The following GOPC variants were observed in gnomAD, a reference collection of about 807,000 sequenced individuals.
GOPC encodes the protein golgi associated PDZ and coiled-coil motif containing.
In GOPC, 32 loss-of-function variants were observed where a neutral mutation model predicts 51.2. That is an observed-to-expected ratio of 0.63 (90% confidence interval 0.47 to 0.84). GOPC has a LOEUF of 0.84. Among genes scored for constraint, GOPC ranks in the 40% least tolerant of loss-of-function variants. GOPC has a pLI of 0.00. For missense variants in GOPC, 441 were observed against 555.5 expected (o/e 0.79, Z 2.07); for synonymous variants, 190 against 205.1 (o/e 0.93, Z 0.63).
intron 1 of GOPC, among the ~76,000 whole-genome samples, chr6:117,592,578 C>T (rs1006472293): frequency 6.6e-6 from 1 of 152,144 alleles, no homozygotes; most frequent in African/African-American, 2.4e-5. Flanking sequence ...TCTATCATCA[C>T]ATAGCCTTCT....
Position 117,567,085 on chromosome 6 carries a change from A to G in GOPC, c.1078-51T>C, listed in dbSNP as rs568234258. 2.1e-6 allele frequency: 3 copies of G among 1,396,174 alleles called. No homozygotes were observed. The Admixed American group carries it at 7.5e-5, about 35-fold the overall frequency. 86.5% of individuals were successfully genotyped at this position (1,396,174 alleles called of 1,614,324 possible). On this transcript the variant is annotated intron_variant, in intron 7 of 8. Transcript: ENST00000368498. Reference sequence around the variant, plus strand: ...AGTCAAGTTATTGTAATTGTAATTTAAAAAGGATTTCCAAATTCTTTGTGG... The same window carrying G: ...AGTCAAGTTATTGTAATTGTAATTTGAAAAGGATTTCCAAATTCTTTGTGG...
intron 1 of GOPC, among the ~76,000 whole-genome samples, chr6:117,600,922 T>C (rs908686602): frequency 6.6e-6 from 1 of 152,222 alleles, no homozygotes; most frequent in Admixed American, 6.5e-5. Flanking sequence ...CAAAGATTAA[T>C]TATGCCACAT....
chr6:117,575,190 C>T lies in GOPC; in HGVS notation c.637G>A (p.Glu213Lys). 1 of 1,601,368 alleles carries T rather than the reference C, an allele frequency of 6.2e-7. No individual in the cohort carries two copies. Among genetic ancestry groups the T allele is most frequent in the Non-Finnish European group, 8.5e-7 (1 of 1,176,602 alleles). ...ARLAAKYLDK[E>K]LAGRVQQIQL... ...TTTTTTACACACCTTCCTGCCAGTT[C>T]CTTATCCAAGTACTTGGCAGCTAGT... is the stretch of plus-strand genomic sequence containing the variant. The change falls in exon 4 of 9, where the codon GAA becomes AAA. Residue 213 changes from glutamate to lysine, a missense_variant. Physicochemically the swap from Glu to Lys is moderately conservative, Grantham distance 56 (BLOSUM62 1). This residue lies in a region of GOPC where 166 missense variants were observed against 267.0 expected (regional missense o/e 0.62). Transcript: ENST00000368498.
chr6:117,578,829 G>A (rs1313732682), intron 2 of GOPC, 71 bp downstream of exon 2: 7 of 944,942 alleles, frequency 7.4e-6, no homozygotes, highest in African/African-American at 6.8e-5. Context: ...TAATTTAAAA[G>A]TCTCATTCAA....
chr6:117,575,383 T>C (rs1779865951), intron 3 of GOPC, 31 bp from the exon 4 acceptor site: 1 of 1,518,188 alleles, frequency 6.6e-7, no homozygotes, highest in African/African-American at 1.4e-5. Context: ...TATAATTTAA[T>C]GAAAATAAAA....
intron 1 of GOPC, among the ~76,000 whole-genome samples, chr6:117,589,493 A>C (rs1045841927): frequency 6.6e-6 from 1 of 152,054 alleles, no homozygotes; most frequent in Non-Finnish European, 1.5e-5. Context: ...CAAATATTTT[A>C]TTTTTAGTAG....
chr6:117,577,511 T>G lies in GOPC; in HGVS notation c.451-40A>C, dbSNP rs1779899850. 4.0e-6 allele frequency: 6 copies of G among 1,510,216 alleles called. No homozygotes were observed. In the South Asian group the frequency reaches 7.2e-5, roughly 18 times the overall value. 93.6% of individuals were successfully genotyped at this position (1,510,216 alleles called of 1,614,324 possible). A position where few individuals can be genotyped will look rare whatever the true frequency, so the allele number is the denominator to read the frequency against. ...AAAAAGTTTTATAATTAGAAAAAGA[T>G]CAAACAAATGATTTTATTTAGTGGT... is the stretch of plus-strand genomic sequence containing the variant. On this transcript the variant is annotated intron_variant, in intron 2 of 8. Transcript: ENST00000368498.
rs150951207 is a variant in GOPC at position 117,594,239 on chromosome 6, T to C, written c.285+7765A>G. Among the ~76,000 whole-genome samples the C allele has an allele frequency of 6.0e-3, 913 of 152,328 alleles. 13 individuals are homozygous for C. Among genetic ancestry groups the C allele is most frequent in the African/African-American group, 0.02 (841 of 41,580 alleles). On this transcript the variant is annotated intron_variant, in intron 1 of 8. Transcript: ENST00000368498. ...ATCTCTCGAATCTTCAAATGCACTA[T>C]GCGCTTGCCCACCACAGGTGCTTTT... is the stretch of plus-strand genomic sequence containing the variant.
In GOPC at chr6:117,602,026, G is replaced by A. The variant is rs1218133213; in HGVS notation, c.263C>T (p.Ser88Phe). 6.2e-7 allele frequency: 1 copy of A among 1,614,180 alleles called. No individual in the cohort carries two copies. The highest frequency in any genetic ancestry group is 2.2e-5 in the East Asian group (1 of 44,878). The change falls in exon 1 of 9, where the codon TCT becomes TTT. Residue 88 changes from serine (S) to phenylalanine (F), a missense_variant. Ser to Phe is a radical substitution (Grantham distance 155, BLOSUM62 -2). Coordinates refer to ENST00000368498, the MANE Select transcript of GOPC (RefSeq NM_020399.4). ...CACCTCCAGCTTGTGGTTGATTTGAGACACAGACTGGGCTTTGTGGCAAAG... is the reference window on the plus strand; with the variant it reads ...CACCTCCAGCTTGTGGTTGATTTGAAACACAGACTGGGCTTTGTGGCAAAG... ...AQLCHKAQSV[S>F]QINHKLEAQL...
At position 117,597,623 on chromosome 6, in the gene GOPC, C is replaced by T. The variant is rs533280803; in HGVS notation, c.285+4381G>A. Among the ~76,000 whole-genome samples the T allele has an allele frequency of 1.2e-4, 18 of 152,324 alleles. No individual in the cohort carries two copies. The South Asian group carries it at 1.4e-3, about 12-fold the overall frequency. On this transcript the variant is annotated intron_variant, in intron 1 of 8. Transcript: ENST00000368498. ...TGAAATGGCACCACCTCAAAATACA[C>T]TGATATTCTCTGCTATTCCATTCTC...
At chr6:117,577,017 GAA>G (rs1394221711) in intron 3 of GOPC, among the ~76,000 whole-genome samples, 3 of 35,592 alleles carry the variant, frequency 8.4e-5, no homozygotes, top group Non-Finnish European at 1.4e-4. Context: ...CAAGACTCTT[GAA>G]AAGTTGTAAC....
At chr6:117,563,510 T>C in intron 8 of GOPC, 126 bp from the exon 9 acceptor site, 3 of 836,418 alleles carry the variant, frequency 3.6e-6, no homozygotes, top group Non-Finnish European at 5.7e-6. Context: ...TAACCTGAGG[T>C]TAGGGGTTCG....
intron 1 of GOPC, among the ~76,000 whole-genome samples, chr6:117,584,130 C>T (rs1385294955): frequency 1.3e-5 from 2 of 152,194 alleles, no homozygotes; most frequent in East Asian, 3.8e-4. Context: ...GGGAAAACAA[C>T]CACAACCTCA....
At chr6:117,575,105 GAAGT>G (rs758958418) in intron 4 of GOPC, 68 bp downstream of exon 4, 555 of 1,188,128 alleles carry the variant, frequency 4.7e-4, no homozygotes, top group Non-Finnish European at 5.8e-4. Flanking sequence ...AAAAAAGAAA[GAAGT>G]AAGAGTCAAC....
intron 5 of GOPC, among the ~76,000 whole-genome samples, chr6:117,571,273 A>T (rs1779802451): frequency 6.6e-6 from 1 of 152,200 alleles, no homozygotes; most frequent in Non-Finnish European, 1.5e-5. Context: ...TCAAAAAATA[A>T]AAGTGTCTAT....
intron 6 of GOPC, 138 bp downstream of exon 6, chr6:117,570,722 A>T (rs1006535105): frequency 8.8e-5 from 36 of 408,636 alleles, no homozygotes; most frequent in African/African-American, 7.0e-4. Flanking sequence ...ACAAAAGCAA[A>T]CATTTATCCC....
At chr6:117,575,572 G>T (rs754639001) in intron 3 of GOPC, 2 of 723,822 alleles carry the variant, frequency 2.8e-6, no homozygotes, top group Non-Finnish European at 5.1e-6. Flanking sequence ...CTGATATGGA[G>T]TATAGTAAGA....
intron 7 of GOPC, among the ~76,000 whole-genome samples, chr6:117,567,535 C>G (rs1219594685): frequency 6.6e-6 from 1 of 152,054 alleles, no homozygotes; most frequent in Non-Finnish European, 1.5e-5. Flanking sequence ...ATTCAAGAAA[C>G]TCCTACAAAA....
chr6:117,570,168 T>A (rs527441629), intron 6 of GOPC, among the ~76,000 whole-genome samples: 1 of 151,970 alleles, frequency 6.6e-6, no homozygotes, highest in East Asian at 1.9e-4. Context: ...TTGTTGCGTG[T>A]GTGTAGGGGT....
Sources: gnomAD v4.1 joint callset for allele counts (sites outside exome capture counted in the v4.1 genomes callset) on GRCh38, gnomAD v4.1.1 for gene constraint, gnomAD v4.1.1 regional missense constraint, MANE v1.5 for transcripts, NCBI Gene and HGNC (gene_info 2026-07-23, HGNC 2026-07-21) for gene names.